The following GAB2 variants were observed in gnomAD, a reference collection of about 807,000 sequenced individuals.
The protein encoded by GAB2 is GRB2-associated-binding protein 2.
Under a neutral mutation model 65.5 loss-of-function variants are expected in GAB2, and 26 were observed. That is an observed-to-expected ratio of 0.40 (90% CI 0.29 to 0.55). The LOEUF is 0.55. Ranked by LOEUF, GAB2 falls within the 20% of genes least tolerant of loss-of-function variation. GAB2 has a pLI of 0.53. For missense variants in GAB2, 884 were observed against 875.8 expected (o/e 1.01, Z -0.12); for synonymous variants, 321 against 329.6 (o/e 0.97, Z 0.28).
In GAB2 at chr11:78,278,887, T is replaced by G. The variant is rs1866250469; in HGVS notation, c.376+1714A>C. On this transcript the variant is annotated intron_variant, in intron 2 of 9. Coordinates refer to ENST00000361507, the MANE Select transcript of GAB2 (RefSeq NM_080491.3). ...AGGCATGCTACCATGCCCAGCTAATTTTTATTTTTTATCGAAATAAAAATG... is the reference window on the plus strand; with the variant it reads ...AGGCATGCTACCATGCCCAGCTAATGTTTATTTTTTATCGAAATAAAAATG... Among the ~76,000 whole-genome samples the G allele has an allele frequency of 2.6e-5, 4 of 152,120 alleles. 1 individual carries two copies. In the South Asian group the frequency reaches 8.3e-4, roughly 31 times the overall value.
In GAB2 at chr11:78,354,516, G is replaced by A. The variant is rs184167698; in HGVS notation, c.75+63130C>T. On this transcript the variant is annotated intron_variant, in intron 1 of 9. Transcript: ENST00000361507. ...AAAGGCTTTTGACACTGCAATGGTG[G>A]CATGAACGACAACAGGACTGGTCAT... Among the ~76,000 whole-genome samples, 932 of 152,122 alleles carry A rather than the reference G, an allele frequency of 6.1e-3. 8 individuals are homozygous for A. The highest frequency in any genetic ancestry group is 8.9e-3 in the Non-Finnish European group (602 of 67,998).
intron 2 of GAB2, among the ~76,000 whole-genome samples, chr11:78,278,068 C>CTTT (rs538485770): frequency 4.5e-5 from 6 of 133,836 alleles, no homozygotes; most frequent in African/African-American, 8.2e-5. Flanking sequence ...TCTTCCCCTG[C>CTTT]TTTTTTTTTT....
intron 1 of GAB2, among the ~76,000 whole-genome samples, chr11:78,326,712 G>A (rs1404533733): frequency 2.0e-5 from 3 of 152,188 alleles, no homozygotes; most frequent in Admixed American, 6.5e-5. Context: ...GTACAGAATA[G>A]GACCTTAGTA....
chr11:78,404,749 C>G (rs1020890714), intron 1 of GAB2, among the ~76,000 whole-genome samples: 2 of 152,112 alleles, frequency 1.3e-5, no homozygotes, highest in African/African-American at 4.8e-5. Context: ...TTATCAGATA[C>G]TGGAAAGGAC....
intron 1 of GAB2, among the ~76,000 whole-genome samples, chr11:78,366,787 T>C (rs888683207): frequency 1.3e-4 from 19 of 149,066 alleles, no homozygotes; most frequent in African/African-American, 4.2e-4. Flanking sequence ...TAGAATGTAA[T>C]TGGGGATAGG....
At chr11:78,331,172 C>CTG (rs1855907378) in intron 1 of GAB2, among the ~76,000 whole-genome samples, 1 of 151,630 alleles carries the variant, frequency 6.6e-6, no homozygotes, top group South Asian at 2.1e-4. Context: ...CAGACACCGT[C>CTG]TCAAAAAATA....
chr11:78,346,674 CATATATATATATATATATATATATATAT>C (rs71046967), intron 1 of GAB2, among the ~76,000 whole-genome samples: 1,836 of 54,936 alleles, frequency 0.033, 97 homozygotes, highest in African/African-American at 0.12. Flanking sequence ...ACATCCCCTC[CATATATATATATATATATATATATATAT>C]ATATATATAT....
At chr11:78,224,828 C>T (rs2134463208) in intron 5 of GAB2, among the ~76,000 whole-genome samples, 1 of 152,240 alleles carries the variant, frequency 6.6e-6, no homozygotes, top group East Asian at 1.9e-4. Context: ...CCCCACCGTG[C>T]AGCCTGGGTC....
chr11:78,384,364 C>T (rs1367153910), intron 1 of GAB2, among the ~76,000 whole-genome samples: 2 of 152,162 alleles, frequency 1.3e-5, no homozygotes, highest in Non-Finnish European at 2.9e-5. Flanking sequence ...CAGGCACTTC[C>T]GGAGCTTCCA....
At chr11:78,220,977 C>G (rs188362072) in intron 8 of GAB2, among the ~76,000 whole-genome samples, 1 of 152,354 alleles carries the variant, frequency 6.6e-6, no homozygotes, top group East Asian at 1.9e-4. Flanking sequence ...CTTGCTCCCC[C>G]GCCTAGCTCC....
chr11:78,377,769 T>A (rs1029902591), intron 1 of GAB2, among the ~76,000 whole-genome samples: 2 of 152,194 alleles, frequency 1.3e-5, no homozygotes, highest in Non-Finnish European at 2.9e-5. Flanking sequence ...GTTTACTTAC[T>A]ACGTAGTTAA....
In GAB2 at chr11:78,250,191, G is replaced by A. The variant is rs777688031; in HGVS notation, c.586C>T (p.His196Tyr). ...TSAPQEYLYLHQCISRRAENA... is the reference protein window; with the variant it reads ...TSAPQEYLYLYQCISRRAENA... Reference sequence around the variant, plus strand: ...TCTGCTCTTCGGCTTATGCACTGGTGCAAGTAGAGATACTCCTGAGGTGCG... The same window carrying A: ...TCTGCTCTTCGGCTTATGCACTGGTACAAGTAGAGATACTCCTGAGGTGCG... Residue 196 changes from histidine to tyrosine, a missense_variant, in exon 3 of 10, where the codon CAC (histidine) becomes TAC (tyrosine). His to Tyr is a moderately conservative substitution (Grantham distance 83, BLOSUM62 2). Transcript: ENST00000361507. 6.6e-5 allele frequency: 107 copies of A among 1,613,160 alleles called. No homozygotes were observed. Among genetic ancestry groups the A allele is most frequent in the Admixed American group, 2.2e-4 (13 of 59,860 alleles).
chr11:78,358,047 A>G (rs1856382731), intron 1 of GAB2, among the ~76,000 whole-genome samples: 1 of 151,932 alleles, frequency 6.6e-6, no homozygotes, highest in Non-Finnish European at 1.5e-5. Flanking sequence ...AACCAACCCA[A>G]ATGTCCATCA....
chr11:78,386,585 T>C (rs975958754), intron 1 of GAB2, among the ~76,000 whole-genome samples: 2 of 152,208 alleles, frequency 1.3e-5, no homozygotes, highest in African/African-American at 4.8e-5. Context: ...GGCCTGTCCT[T>C]ATGGCTGATC....
chr11:78,270,298 C>A (rs569216819), intron 2 of GAB2, among the ~76,000 whole-genome samples: 1 of 151,180 alleles, frequency 6.6e-6, no homozygotes, highest in South Asian at 2.1e-4. Context: ...CGCGCCACTG[C>A]ACTCCAGCCT....
At chr11:78,343,150 T>C (rs1042251066) in intron 1 of GAB2, among the ~76,000 whole-genome samples, 1 of 152,154 alleles carries the variant, frequency 6.6e-6, no homozygotes, top group Non-Finnish European at 1.5e-5. Flanking sequence ...AGTCAAGAAA[T>C]TCATAATCTG....
At chr11:78,241,922 A>T (rs1377395061) in intron 3 of GAB2, among the ~76,000 whole-genome samples, 2 of 152,220 alleles carry the variant, frequency 1.3e-5, no homozygotes, top group African/African-American at 2.4e-5. Context: ...TCAACAGGGA[A>T]ACAATTAGAT....
Position 78,356,008 on chromosome 11 carries a change from A to G in GAB2, c.75+61638T>C, listed in dbSNP as rs186959686. Among the ~76,000 whole-genome samples the G allele has an allele frequency of 1.8e-3, 272 of 152,040 alleles. 2 individuals are homozygous for G. Among genetic ancestry groups the G allele is most frequent in the Middle Eastern group, 6.8e-3 (2 of 294 alleles). On this transcript the variant is annotated intron_variant, in intron 1 of 9. Transcript: ENST00000361507. The stretch of plus-strand genomic sequence containing the variant: ...GCCAACATGGTGAAAGCCCGTCTCT[A>G]ATAAAAATACAAAAATTAGCTGGGT...
chr11:78,229,931 T>G (rs1864791447), intron 3 of GAB2, among the ~76,000 whole-genome samples: 1 of 152,228 alleles, frequency 6.6e-6, no homozygotes, highest in Non-Finnish European at 1.5e-5. Context: ...TCTTACATCC[T>G]CTACCTCTAA....
Sources: gnomAD v4.1 joint callset for allele counts (sites outside exome capture counted in the v4.1 genomes callset) on GRCh38, gnomAD v4.1.1 for gene constraint, MANE v1.5 for transcripts, NCBI Gene and HGNC (gene_info 2026-07-23, HGNC 2026-07-21) for gene names.